The following ADCY2 variants were observed in gnomAD, a reference collection of about 807,000 sequenced individuals.
ADCY2 encodes adenylate cyclase 2.
In ADCY2, 31 loss-of-function variants were observed where a neutral mutation model predicts 125.2. That is an observed-to-expected ratio of 0.25 (90% confidence interval 0.19 to 0.33). ADCY2 has a LOEUF of 0.33. Among genes scored for constraint, ADCY2 ranks in the 10% least tolerant of loss-of-function variants. ADCY2 has a pLI of 1.00. For missense variants in ADCY2, 904 were observed against 1,418.2 expected (o/e 0.64, Z 5.82); for synonymous variants, 512 against 548.4 (o/e 0.93, Z 0.93).
At chr5:7,399,973 G>A (rs75322046) in intron 1 of ADCY2, among the ~76,000 whole-genome samples, 2,077 of 150,264 alleles carry the variant, frequency 0.014, 51 homozygotes, top group African/African-American at 0.049. Flanking sequence ...TTTGTTTTTT[G>A]GAACTGGTTT....
intron 12 of ADCY2, among the ~76,000 whole-genome samples, chr5:7,719,519 A>G (rs1008627340): frequency 6.6e-6 from 1 of 152,220 alleles, no homozygotes; most frequent in South Asian, 2.1e-4. Flanking sequence ...TTGATGTACC[A>G]TTCACTTGTT....
chr5:7,469,593 AT>A (rs201365817), intron 2 of ADCY2, among the ~76,000 whole-genome samples: 3 of 151,516 alleles, frequency 2.0e-5, no homozygotes, highest in East Asian at 1.9e-4. Context: ...GAGCTTGCAC[AT>A]TTTTTTTAAG....
intron 3 of ADCY2, among the ~76,000 whole-genome samples, chr5:7,602,760 C>A (rs879934186): frequency 3.1e-4 from 47 of 152,168 alleles, no homozygotes; most frequent in Non-Finnish European, 6.3e-4. Flanking sequence ...ACTCACTGAG[C>A]AAACTCCATG....
At chr5:7,432,629 T>C (rs1252425477) in intron 2 of ADCY2, among the ~76,000 whole-genome samples, 2 of 152,224 alleles carry the variant, frequency 1.3e-5, no homozygotes, top group African/African-American at 4.8e-5. Context: ...CTTCAGTTCC[T>C]GCCCATGAAG....
At chr5:7,651,692 C>T (rs979309659) in intron 4 of ADCY2, among the ~76,000 whole-genome samples, 5 of 152,096 alleles carry the variant, frequency 3.3e-5, no homozygotes, top group African/African-American at 7.2e-5. Flanking sequence ...CAGACACACC[C>T]GGGAGCAACA....
intron 12 of ADCY2, among the ~76,000 whole-genome samples, chr5:7,717,669 A>G (rs1176862039): frequency 1.3e-5 from 2 of 152,210 alleles, no homozygotes; most frequent in Non-Finnish European, 2.9e-5. Flanking sequence ...ATTGGTGAGT[A>G]ATGAGAGGAA....
intron 2 of ADCY2, among the ~76,000 whole-genome samples, chr5:7,432,179 C>T (rs758824353): frequency 2.0e-5 from 3 of 151,946 alleles, no homozygotes; most frequent in Admixed American, 6.6e-5. Context: ...ATTACTCTTC[C>T]GCTCTGTCCC....
At chr5:7,471,689 T>C in intron 2 of ADCY2, among the ~76,000 whole-genome samples, 1 of 152,038 alleles carries the variant, frequency 6.6e-6, no homozygotes, top group African/African-American at 2.4e-5. Context: ...TTCATTTGTT[T>C]GTGTAGATCC....
In ADCY2 at chr5:7,804,664, G is replaced by A. The variant is rs1398479269; in HGVS notation, c.2855G>A (p.Ser952Asn). ...GSTYMAATGL[S>N]AVPSQEHSQE... ...ACATACATGGCAGCAACAGGTCTGA[G>A]CGCTGTGCCCAGCCAGGAGCACTCC... The change falls in exon 22 of 25, where the codon AGC becomes AAC. Residue 952 changes from serine (S) to asparagine (N), a missense_variant. This residue lies in a region of ADCY2 where 181 missense variants were observed against 381.6 expected (regional missense o/e 0.47). Transcript: ENST00000338316. 6.2e-7 allele frequency: 1 copy of A among 1,614,180 alleles called. No homozygotes were observed. The highest frequency in any genetic ancestry group is 1.1e-5 in the South Asian group (1 of 91,072).
chr5:7,493,091 G>C (rs2126491380), intron 2 of ADCY2, among the ~76,000 whole-genome samples: 1 of 152,280 alleles, frequency 6.6e-6, no homozygotes, highest in South Asian at 2.1e-4. Context: ...ATGGCAAAGA[G>C]ATTGCAAACC....
At chr5:7,505,084 A>G (rs1743758214) in intron 2 of ADCY2, among the ~76,000 whole-genome samples, 1 of 149,546 alleles carries the variant, frequency 6.7e-6, no homozygotes, top group South Asian at 2.1e-4. Context: ...AGGTTCCATC[A>G]TATTACCCAG....
At chr5:7,687,493 G>A (rs1486220591) in intron 4 of ADCY2, among the ~76,000 whole-genome samples, 1 of 152,160 alleles carries the variant, frequency 6.6e-6, no homozygotes, top group African/African-American at 2.4e-5. Flanking sequence ...CTTTAGCAGG[G>A]TGAGGGCGTG....
chr5:7,711,560 T>C (rs2126363890), intron 10 of ADCY2, among the ~76,000 whole-genome samples: 1 of 152,326 alleles, frequency 6.6e-6, no homozygotes, highest in South Asian at 2.1e-4. Context: ...TGTTTATTTC[T>C]TATCAGCCTT....
intron 22 of ADCY2, among the ~76,000 whole-genome samples, chr5:7,809,332 G>A (rs1330901464): frequency 6.6e-6 from 1 of 152,166 alleles, no homozygotes; most frequent in African/African-American, 2.4e-5. Context: ...ATTTTGAAGT[G>A]CAATGAATGT....
rs541124496 is a variant in ADCY2, at chr5:7,826,925, C to A, written c.*54C>A. ...TGTATTTTCAGGAAGGTATCACACA[C>A]TTTCTGACTGCAACTTCTGTCCCTT... On this transcript the variant is annotated 3_prime_UTR_variant, in exon 25 of 25. Coordinates refer to ENST00000338316, the MANE Select transcript of ADCY2 (RefSeq NM_020546.3). The A allele has an allele frequency of 1.3e-6, 2 of 1,551,044 alleles. No homozygotes were observed. Among genetic ancestry groups the A allele is most frequent in the Admixed American group, 1.9e-5 (1 of 51,310 alleles).
intron 5 of ADCY2, among the ~76,000 whole-genome samples, chr5:7,693,275 G>A (rs1740767616): frequency 1.3e-5 from 2 of 152,140 alleles, no homozygotes; most frequent in South Asian, 2.1e-4. Context: ...CACAGCAGGA[G>A]TGATCTTTCT....
At chr5:7,690,222 G>A (rs1357301576) in intron 4 of ADCY2, among the ~76,000 whole-genome samples, 1 of 152,138 alleles carries the variant, frequency 6.6e-6, no homozygotes, top group Admixed American at 6.5e-5. Flanking sequence ...GAAATCTTTG[G>A]AAGTATATAT....
chr5:7,645,645 A>G, intron 4 of ADCY2, among the ~76,000 whole-genome samples: 1 of 152,178 alleles, frequency 6.6e-6, no homozygotes, highest in Non-Finnish European at 1.5e-5. Context: ...ATCCTTCTTT[A>G]CATCACTATT....
chr5:7,791,560 A>G (rs1236669204), intron 20 of ADCY2, among the ~76,000 whole-genome samples: 1 of 152,168 alleles, frequency 6.6e-6, no homozygotes, highest in Non-Finnish European at 1.5e-5. Flanking sequence ...CTCATGGCCC[A>G]CTGGCTTTCC....
Sources: allele counts gnomAD v4.1 joint callset (sites outside exome capture counted in the v4.1 genomes callset), GRCh38; gene constraint gnomAD v4.1.1; regional missense constraint gnomAD v4.1.1; transcripts MANE v1.5; gene names NCBI Gene and HGNC (gene_info 2026-07-23, HGNC 2026-07-21).